The following GPR158 variants were observed in gnomAD, a reference collection of about 807,000 sequenced individuals.
The protein encoded by GPR158 is metabotropic glycine receptor.
GPR158 carries 30 observed loss-of-function variants against 78.2 expected under a neutral mutation model. The ratio of observed to expected loss-of-function variants is 0.38; its 90% CI spans 0.29 to 0.52. GPR158 has a LOEUF of 0.52. Ranked by LOEUF, GPR158 falls within the 20% of genes least tolerant of loss-of-function variation. GPR158 has a pLI of 0.83. For synonymous variants in GPR158, 581 were observed against 591.1 expected (o/e 0.98, Z 0.25); for missense variants, 1,463 against 1,523.5 (o/e 0.96, Z 0.66).
chr10:25,526,076 C>T (rs116054468), intron 5 of GPR158, among the ~76,000 whole-genome samples: 3,083 of 142,118 alleles, frequency 0.022, 109 homozygotes, highest in African/African-American at 0.077. Flanking sequence ...CACTGCACTC[C>T]AGCCTGGGCG....
At chr10:25,299,687 A>G (rs1049803378) in intron 2 of GPR158, among the ~76,000 whole-genome samples, 2 of 152,188 alleles carry the variant, frequency 1.3e-5, no homozygotes, top group African/African-American at 4.8e-5. Context: ...ATAATGCTCA[A>G]TGAACACGGG....
intron 2 of GPR158, among the ~76,000 whole-genome samples, chr10:25,370,102 T>C (rs1833963352): frequency 7.0e-6 from 1 of 141,956 alleles, no homozygotes; most frequent in Non-Finnish European, 1.6e-5. Context: ...ATTTTGTTGA[T>C]CTTTTCAAAA....
intron 4 of GPR158, among the ~76,000 whole-genome samples, chr10:25,444,829 G>T (rs144384925): frequency 5.9e-5 from 9 of 152,228 alleles, no homozygotes; most frequent in African/African-American, 1.9e-4. Context: ...TTGATGTACA[G>T]TTCCTTAGAG....
chr10:25,510,600 T>G (rs1384762424), intron 5 of GPR158, among the ~76,000 whole-genome samples: 2 of 152,178 alleles, frequency 1.3e-5, no homozygotes, highest in Non-Finnish European at 2.9e-5. Flanking sequence ...TGGTGTTTGT[T>G]TACATGAATA....
rs80173810 is a variant in GPR158 at position 25,221,344 on chromosome 10, G to A, written c.1008+187G>A. ...TTGTATAGAATAACTGTTCGCTTGG[G>A]GACTGAAAGAAGGCCAAAACTACAA... On this transcript the variant is annotated intron_variant, in intron 2 of 10. Coordinates refer to ENST00000376351, the MANE Select transcript of GPR158 (RefSeq NM_020752.3). Among the ~76,000 whole-genome samples the A allele has an allele frequency of 5.3e-5, 8 of 152,194 alleles. No homozygotes were observed. The East Asian group carries it at 1.5e-3, about 29-fold the overall frequency.
chr10:25,252,614 G>A lies in GPR158; in HGVS notation c.1008+31457G>A, dbSNP rs1488619210. Among the ~76,000 whole-genome samples the A allele has an allele frequency of 3.1e-3, 479 of 152,132 alleles. 4 individuals are homozygous for A. Among genetic ancestry groups the A allele is most frequent in the African/African-American group, 0.011 (468 of 41,478 alleles). ...TGCCCCTGCTGGGGGGTGCCTCCCAGTTAGGCTGCTCAGGGGTCAGGGGTC... is the reference window on the plus strand; with the variant it reads ...TGCCCCTGCTGGGGGGTGCCTCCCAATTAGGCTGCTCAGGGGTCAGGGGTC... On this transcript the variant is annotated intron_variant, in intron 2 of 10. Transcript: ENST00000376351.
intron 7 of GPR158, among the ~76,000 whole-genome samples, chr10:25,580,427 T>A (rs1337667063): frequency 6.6e-6 from 1 of 152,194 alleles, no homozygotes; most frequent in African/African-American, 2.4e-5. Context: ...TATGCCAATG[T>A]TTAGAAAGAA....
intron 2 of GPR158, among the ~76,000 whole-genome samples, chr10:25,247,136 GAGA>G (rs1185130539): frequency 2.0e-5 from 3 of 152,036 alleles, no homozygotes; most frequent in Non-Finnish European, 4.4e-5. Flanking sequence ...TTCTTTTCCT[GAGA>G]AGGTCATTTG....
chr10:25,320,697 A>G (rs751711119), intron 2 of GPR158, among the ~76,000 whole-genome samples: 5 of 152,122 alleles, frequency 3.3e-5, no homozygotes, highest in Non-Finnish European at 5.9e-5. Flanking sequence ...TTTCCTGCTG[A>G]TTTCTATTAT....
At chr10:25,287,674 A>T (rs367985111) in intron 2 of GPR158, among the ~76,000 whole-genome samples, 2 of 152,216 alleles carry the variant, frequency 1.3e-5, no homozygotes, top group African/African-American at 4.8e-5. Flanking sequence ...TCTGTAAGCA[A>T]ATGCATATAT....
chr10:25,445,415 A>G lies in GPR158; in HGVS notation c.1336-21236A>G, dbSNP rs563083695. 2.8e-4 allele frequency among the ~76,000 whole-genome samples: 43 copies of G among 152,328 alleles called. 2 individuals carry two copies. In the South Asian group the frequency reaches 8.7e-3, roughly 31 times the overall value. ...TTTCAGATGAGGTGGAAAGATTGGT[A>G]GGGGCTAGAATATGAACAGCTTTAA... On this transcript the variant is annotated intron_variant, in intron 4 of 10. Coordinates refer to ENST00000376351, the MANE Select transcript of GPR158 (RefSeq NM_020752.3).
chr10:25,276,192 A>G (rs1854180708), intron 2 of GPR158, among the ~76,000 whole-genome samples: 1 of 152,194 alleles, frequency 6.6e-6, no homozygotes, highest in Non-Finnish European at 1.5e-5. Flanking sequence ...TTTAATTAGC[A>G]TTTACTGTAA....
chr10:25,330,198 ATTTCC>A (rs1855098674), intron 2 of GPR158, among the ~76,000 whole-genome samples: 2 of 152,104 alleles, frequency 1.3e-5, no homozygotes, highest in African/African-American at 4.8e-5. Flanking sequence ...ATCTGTGTTT[ATTTCC>A]TTTAACTTTT....
chr10:25,415,464 T>C (rs1834646300), intron 4 of GPR158, among the ~76,000 whole-genome samples: 14 of 152,094 alleles, frequency 9.2e-5, no homozygotes, highest in Admixed American at 9.2e-4. Context: ...AAACCGACAG[T>C]ACCCACTACC....
At chr10:25,396,518 G>A (rs1834364612) in intron 3 of GPR158, among the ~76,000 whole-genome samples, 1 of 152,098 alleles carries the variant, frequency 6.6e-6, no homozygotes. Context: ...CAAGATGTTG[G>A]CTGGGTATAG....
chr10:25,264,380 G>T (rs531442940), intron 2 of GPR158, among the ~76,000 whole-genome samples: 42 of 152,272 alleles, frequency 2.8e-4, no homozygotes, highest in African/African-American at 4.3e-4. Context: ...AAGGCATTTG[G>T]AGAAGTCAGG....
chr10:25,425,428 T>C (rs911455191), intron 4 of GPR158, among the ~76,000 whole-genome samples: 2 of 152,054 alleles, frequency 1.3e-5, no homozygotes, highest in African/African-American at 2.4e-5. Flanking sequence ...TGATAATTAG[T>C]GATGTTGAAC....
rs916240716 is a variant in GPR158, at chr10:25,415,707, G to C, written c.1335+3234G>C. Among the ~76,000 whole-genome samples, 10 of 152,216 alleles carry C rather than the reference G, an allele frequency of 6.6e-5. 1 individual carries two copies. In the South Asian group the frequency reaches 1.5e-3, roughly 22 times the overall value. On this transcript the variant is annotated intron_variant, in intron 4 of 10. Coordinates refer to ENST00000376351, the MANE Select transcript of GPR158 (RefSeq NM_020752.3). Reference sequence around the variant, plus strand: ...AGAAATATGCATACAAATGTTCATAGGACATGGATGGACCTTGAAAACTGC... The same window carrying C: ...AGAAATATGCATACAAATGTTCATACGACATGGATGGACCTTGAAAACTGC...
chr10:25,382,277 C>G (rs1834165306), intron 2 of GPR158, among the ~76,000 whole-genome samples: 1 of 152,192 alleles, frequency 6.6e-6, no homozygotes, highest in South Asian at 2.1e-4. Context: ...GTCTCAGCCC[C>G]CACAAGGCAT....
Sources: allele counts gnomAD v4.1 joint callset (sites outside exome capture counted in the v4.1 genomes callset), GRCh38; gene constraint gnomAD v4.1.1; transcripts MANE v1.5; gene names NCBI Gene and HGNC (gene_info 2026-07-23, HGNC 2026-07-21).